Variants in ADAM15 observed in about 807,000 individuals in gnomAD.
ADAM15 encodes the protein ADAM metallopeptidase domain 15.
Under a neutral mutation model 113.8 loss-of-function variants are expected in ADAM15, and 77 were observed. That is an observed-to-expected ratio of 0.68 (90% confidence interval 0.56 to 0.82). The LOEUF (loss-of-function observed/expected upper bound fraction) is 0.82, where lower values mean the gene tolerates loss of function less well. Among genes scored for constraint, ADAM15 ranks in the 40% least tolerant of loss-of-function variants. ADAM15 has a pLI of 0.00. For synonymous variants in ADAM15, 388 were observed against 454.1 expected (o/e 0.85, Z 1.85); for missense variants, 963 against 1,120.1 (o/e 0.86, Z 2.00).
chr1:155,055,745 C>A, intron 6 of ADAM15, 45 bp from the exon 7 acceptor site: 1 of 1,608,954 alleles, frequency 6.2e-7, no homozygotes, highest in Non-Finnish European at 8.5e-7. Flanking sequence ...CAGCTGCTGG[C>A]TGCGAGCGGC....
Position 155,056,022 on chromosome 1 carries a change from C to T in ADAM15, c.744+22C>T, listed in dbSNP as rs1458285140. On this transcript the variant is annotated intron_variant, in intron 8 of 22. Transcript: ENST00000356955. This position sits in a 1 kb window ranked among gnomAD's most constrained non-coding sequence, Gnocchi z 4.0. ...CACAGTGAGTGCTGGACAGGGCAAC[C>T]CCCACCCCAGGCCCCTGACCATGGC... is the stretch of plus-strand genomic sequence containing the variant. 3 of 1,613,090 alleles carry T rather than the reference C, an allele frequency of 1.9e-6. No homozygotes were observed. The highest frequency in any genetic ancestry group is 1.6e-4 in the Middle Eastern group (1 of 6,062).
At position 155,056,992 on chromosome 1, in the gene ADAM15, G is replaced by C. The variant is rs753271272; in HGVS notation, c.1039G>C (p.Ala347Pro). ...CATCCTGGGAGTCGCCTCCTCCATA[G>C]CCCATGAGTTGGGCCACAGCCTGGG... Reference protein sequence around the residue: ...TSILGVASSIAHELGHSLGLD... With the variant: ...TSILGVASSIPHELGHSLGLD... The change falls in exon 11 of 23, where the codon GCC (alanine) becomes CCC (proline). Residue 347 changes from alanine to proline, a missense_variant. Physicochemically the swap from Ala to Pro is conservative, Grantham distance 27 (BLOSUM62 -1). Coordinates refer to ENST00000356955, the MANE Select transcript of ADAM15 (RefSeq NM_207197.3). The surrounding 1 kb of genome is among the most constrained non-coding windows in gnomAD (Gnocchi z 4.0). 3 of 1,602,916 alleles carry C rather than the reference G, an allele frequency of 1.9e-6. No homozygotes were observed. In the Admixed American group the frequency reaches 5.1e-5, roughly 27 times the overall value.
chr1:155,062,403 G>A lies in ADAM15; in HGVS notation c.2549+34G>A, dbSNP rs374967405. The A allele has an allele frequency of 1.7e-5, 27 of 1,610,500 alleles. 1 individual carries two copies. Among genetic ancestry groups the A allele is most frequent in the Non-Finnish European group, 2.0e-5 (23 of 1,178,974 alleles). ...AGCCCTGGGCATGGGTGGGCGGGGC[G>A]AGTGACCTGGGGGAAAGGGGCCTCT... On this transcript the variant is annotated intron_variant, in intron 22 of 22. Transcript: ENST00000356955. The surrounding 1 kb of genome is among the most constrained non-coding windows in gnomAD (Gnocchi z 7.0).
chr1:155,052,521 CTTCT>C, intron 1 of ADAM15, 146 bp from the exon 2 acceptor site: 1 of 1,545,368 alleles, frequency 6.5e-7, no homozygotes, highest in Non-Finnish European at 8.7e-7. Flanking sequence ...TTCCAGTATT[CTTCT>C]TTAAGTCTCA....
At chr1:155,055,327 G>C (rs564868673) in intron 6 of ADAM15, 1 of 164,960 alleles carries the variant, frequency 6.1e-6, no homozygotes, top group African/African-American at 2.4e-5. Flanking sequence ...CCAGGTTCAC[G>C]CCATTCTCTT....
rs1327088626 is a variant in ADAM15 at position 155,059,943 on chromosome 1, G to A, written c.2037G>A (p.Trp679Ter). ...GGCACTGCTACTGTGAGGAGGGCTG[G>A]GCACCCCCTGACTGCACCACTCAGC... Reference protein sequence around the residue: ...SNRHCYCEEGWAPPDCTTQLK... With the variant: ...SNRHCYCEEG The change falls in exon 17 of 23, where the codon TGG (tryptophan) becomes TGA (stop). Residue 679 changes from tryptophan (W) to a stop codon, truncating the protein, a stop_gained. Coordinates refer to ENST00000356955, the MANE Select transcript of ADAM15 (RefSeq NM_207197.3). LOFTEE classifies it high-confidence loss of function. The A allele has an allele frequency of 6.2e-7, 1 of 1,614,086 alleles. No individual in the cohort carries two copies. The highest frequency in any genetic ancestry group is 8.5e-7 in the Non-Finnish European group (1 of 1,179,984).
rs1558128669 is a variant in ADAM15 at position 155,058,083 on chromosome 1, C to G, written c.1649C>G (p.Ala550Gly). The G allele has an allele frequency of 6.2e-7, 1 of 1,614,130 alleles. No homozygotes were observed. Among genetic ancestry groups the G allele is most frequent in the South Asian group, 1.1e-5 (1 of 91,088 alleles). Residue 550 changes from alanine (A) to glycine (G), a missense_variant, in exon 14 of 23, where the codon GCT (alanine) becomes GGT (glycine). Ala to Gly is a moderately conservative substitution (Grantham distance 60). Coordinates refer to ENST00000356955, the MANE Select transcript of ADAM15 (RefSeq NM_207197.3). The surrounding 1 kb of genome is among the most constrained non-coding windows in gnomAD (Gnocchi z 4.3). The stretch of plus-strand genomic sequence containing the variant: ...GCTGCGCCACTTTGCCTCCAGACAG[C>G]TAATACTCGGGGAAATGCTTTTGGG... ...QPAAPLCLQT[A>G]NTRGNAFGSC... is the part of the protein sequence containing the mutation.
rs769577694 is a variant in ADAM15 at position 155,058,860 on chromosome 1, A to T, written c.1995+73A>T. 7.0e-5 allele frequency: 105 copies of T among 1,494,298 alleles called. No individual in the cohort carries two copies. The highest frequency in any genetic ancestry group is 8.8e-5 in the Non-Finnish European group (98 of 1,119,194). 92.6% of individuals were successfully genotyped at this position (1,494,298 alleles called of 1,614,324 possible). A position where few individuals can be genotyped will look rare whatever the true frequency, so the allele number is the denominator to read the frequency against. On this transcript the variant is annotated intron_variant, in intron 16 of 22. Transcript: ENST00000356955. The surrounding 1 kb of genome is among the most constrained non-coding windows in gnomAD (Gnocchi z 4.3). ...AGGAAAAGGATACTGGGCTTTGGAA[A>T]TAGACATATCTGGGTTTTAATCCTT...
rs758762415 is a variant in ADAM15 at position 155,056,379 on chromosome 1, C to G, written c.915-7C>G. 1.9e-6 allele frequency: 3 copies of G among 1,613,952 alleles called. No homozygotes were observed. The South Asian group carries it at 3.3e-5, about 18-fold the overall frequency. ...TGGCCCTGAACTTTAGCCTCTCTGTCCCACAGTGGTACTTCATTCTCTGGG... is the reference window on the plus strand; with the variant it reads ...TGGCCCTGAACTTTAGCCTCTCTGTGCCACAGTGGTACTTCATTCTCTGGG... On this transcript the variant is annotated splice_polypyrimidine_tract_variant and splice_region_variant and intron_variant, in intron 9 of 22. Coordinates refer to ENST00000356955, the MANE Select transcript of ADAM15 (RefSeq NM_207197.3). This position sits in a 1 kb window ranked among gnomAD's most constrained non-coding sequence, Gnocchi z 4.0.
Position 155,056,175 on chromosome 1 carries a change from C to T in ADAM15, c.840C>T (p.Thr280=), listed in dbSNP as rs267598062. Residue 280 remains threonine, a synonymous_variant, in exon 9 of 23, where the codon ACC becomes ACT. Transcript: ENST00000356955. The surrounding 1 kb of genome is among the most constrained non-coding windows in gnomAD (Gnocchi z 4.0). Reference sequence around the variant, plus strand: ...AGATCAGCCCAAACCCAGCTGTCACCCTCGAAAACTTCCTCCACTGGCGCA... The same window carrying T: ...AGATCAGCCCAAACCCAGCTGTCACTCTCGAAAACTTCCTCCACTGGCGCA... ...LVEISPNPAV[T]LENFLHWRRA... is the part of the protein sequence containing the mutation. 5.0e-6 allele frequency: 8 copies of T among 1,614,020 alleles called. No individual in the cohort carries two copies. The highest frequency in any genetic ancestry group is 3.3e-5 in the South Asian group (3 of 91,086).
rs767794115 is a variant in ADAM15 at position 155,051,361 on chromosome 1, C to T, written c.-26C>T. 1.0e-5 allele frequency: 15 copies of T among 1,485,208 alleles called. No homozygotes were observed. Among genetic ancestry groups the T allele is most frequent in the Non-Finnish European group, 8.0e-6 (9 of 1,120,558 alleles). 92.0% of individuals were successfully genotyped at this position (1,485,208 alleles called of 1,614,324 possible). ...CGCGCGCTGTTCCGCACTTGCTGCCCTCGCCCGGCCCGGAGCGCCGCTGCC... is the reference window on the plus strand; with the variant it reads ...CGCGCGCTGTTCCGCACTTGCTGCCTTCGCCCGGCCCGGAGCGCCGCTGCC... On this transcript the variant is annotated 5_prime_UTR_variant, in exon 1 of 23. Coordinates refer to ENST00000356955, the MANE Select transcript of ADAM15 (RefSeq NM_207197.3).
Position 155,062,301 on chromosome 1 carries a change from G to A in ADAM15, c.2481G>A (p.Gln827=), listed in dbSNP as rs1007529715. 4 of 1,493,208 alleles carry A rather than the reference G, an allele frequency of 2.7e-6. No individual in the cohort carries two copies. The highest frequency in any genetic ancestry group is 3.6e-6 in the Non-Finnish European group (4 of 1,117,700). The allele number at this position is 1,493,208 out of a possible 1,614,324, so 92.5% of individuals were successfully genotyped here. ...PPRKPLPADP[Q]GRCPSGDLPG... is the part of the protein sequence containing the mutation. ...GGAAGCCACTGCCTGCCGACCCCCA[G>A]GGCCGGTGCCCATCGGGTGACCTGC... The change falls in exon 22 of 23, where the codon CAG becomes CAA. Residue 827 remains glutamine (Q), a synonymous_variant. Transcript: ENST00000356955. This position sits in a 1 kb window ranked among gnomAD's most constrained non-coding sequence, Gnocchi z 7.0.
Position 155,057,789 on chromosome 1 carries a change from T to A in ADAM15, c.1416+60T>A, listed in dbSNP as rs1261403991. On this transcript the variant is annotated intron_variant, in intron 13 of 22. Transcript: ENST00000356955. The surrounding 1 kb of genome is among the most constrained non-coding windows in gnomAD (Gnocchi z 5.0). ...CCTGCCGGGGCCAAGGTGGAAAGGG[T>A]CATTCTGACCCCCGGCTGGATTTGC... 2.5e-6 allele frequency: 4 copies of A among 1,613,116 alleles called. No individual in the cohort carries two copies. The highest frequency in any genetic ancestry group is 1.7e-5 in the Admixed American group (1 of 59,974).
chr1:155,051,390 C>T lies in ADAM15; in HGVS notation c.4C>T (p.Arg2Trp), dbSNP rs985635749. 1.3e-6 allele frequency: 2 copies of T among 1,519,128 alleles called. No individual in the cohort carries two copies. The highest frequency in any genetic ancestry group is 2.8e-5 in the East Asian group (1 of 36,270). The allele number at this position is 1,519,128 out of a possible 1,614,324, so 94.1% of individuals were successfully genotyped here. A position where few individuals can be genotyped will look rare whatever the true frequency, so the allele number is the denominator to read the frequency against. The change falls in exon 1 of 23, where the codon CGG (arginine) becomes TGG (tryptophan). Residue 2 changes from arginine (R) to tryptophan (W), a missense_variant. Coordinates refer to ENST00000356955, the MANE Select transcript of ADAM15 (RefSeq NM_207197.3). M[R>W]LALLWALGLL... Reference sequence around the variant, plus strand: ...CCCGGCCCGGAGCGCCGCTGCCATGCGGCTGGCGCTGCTCTGGGCCCTGGG... The same window carrying T: ...CCCGGCCCGGAGCGCCGCTGCCATGTGGCTGGCGCTGCTCTGGGCCCTGGG...
At chr1:155,061,706 G>T in intron 20 of ADAM15, 198 bp from the exon 21 acceptor site, 1 of 771,416 alleles carries the variant, frequency 1.3e-6, no homozygotes, top group Non-Finnish European at 2.0e-6. Flanking sequence ...ACTGCAGTCG[G>T]CCAGGGACTG....
chr1:155,058,798 A>G lies in ADAM15; in HGVS notation c.1995+11A>G. ...TGCCATGGACATGGGGTGAGCTGGGATGGGGGAAGTGGAAGGGGAGCAGAG... is the reference window on the plus strand; with the variant it reads ...TGCCATGGACATGGGGTGAGCTGGGGTGGGGGAAGTGGAAGGGGAGCAGAG... On this transcript the variant is annotated intron_variant, in intron 16 of 22. Coordinates refer to ENST00000356955, the MANE Select transcript of ADAM15 (RefSeq NM_207197.3). This position sits in a 1 kb window ranked among gnomAD's most constrained non-coding sequence, Gnocchi z 4.3. 1.2e-6 allele frequency: 2 copies of G among 1,607,334 alleles called. No individual in the cohort carries two copies. The highest frequency in any genetic ancestry group is 1.7e-6 in the Non-Finnish European group (2 of 1,176,040).
Position 155,059,922 on chromosome 1 carries a change from C to T in ADAM15, c.2016C>T (p.His672=). 1 of 1,614,130 alleles carries T rather than the reference C, an allele frequency of 6.2e-7. No homozygotes were observed. Among genetic ancestry groups the T allele is most frequent in the Non-Finnish European group, 8.5e-7 (1 of 1,179,990 alleles). ...CCTAGGTCTGTGACAGCAACAGGCA[C>T]TGCTACTGTGAGGAGGGCTGGGCAC... ...HGHGVCDSNR[H]CYCEEGWAPP... is the part of the protein sequence containing the mutation. The change falls in exon 17 of 23, where the codon CAC becomes CAT. Residue 672 remains histidine (H), a synonymous_variant. Coordinates refer to ENST00000356955, the MANE Select transcript of ADAM15 (RefSeq NM_207197.3).
In ADAM15 at chr1:155,054,443, G is replaced by T; in HGVS notation, c.549G>T (p.Trp183Cys). ...HLPGHTCALSWRESVHTQKPP... is the reference protein window; with the variant it reads ...HLPGHTCALSCRESVHTQKPP... ...CAGGCCACACCTGTGCCCTGAGCTG[G>T]CGGGAATCTGTACACACTCAGAAGC... is the stretch of plus-strand genomic sequence containing the variant. The change falls in exon 6 of 23, where the codon TGG (tryptophan) becomes TGT (cysteine). Residue 183 changes from tryptophan to cysteine, a missense_variant. Trp to Cys is a radical substitution (Grantham distance 215). Coordinates refer to ENST00000356955, the MANE Select transcript of ADAM15 (RefSeq NM_207197.3). The T allele has an allele frequency of 1.2e-6, 2 of 1,613,278 alleles. No individual in the cohort carries two copies. Among genetic ancestry groups the T allele is most frequent in the Non-Finnish European group, 1.7e-6 (2 of 1,179,608 alleles).
At chr1:155,061,600 G>T in intron 20 of ADAM15, 111 bp downstream of exon 20, 1 of 1,221,568 alleles carries the variant, frequency 8.2e-7, no homozygotes, top group Non-Finnish European at 1.2e-6. Flanking sequence ...AGGTGATCGG[G>T]GTGCCCCTCA....
Sources: gnomAD v4.1 joint callset for allele counts on GRCh38, gnomAD v4.1.1 for gene constraint, Gnocchi (gnomAD v3.1) non-coding constraint, MANE v1.5 for transcripts, NCBI Gene and HGNC (gene_info 2026-07-23, HGNC 2026-07-21) for gene names.